DSCAM: variants seen among roughly 807,000 people sequenced by gnomAD.
DSCAM encodes DS cell adhesion molecule, also known as cell adhesion molecule DSCAM.
Under a neutral mutation model 217.7 loss-of-function variants are expected in DSCAM, and 47 were observed. The ratio of observed to expected loss-of-function variants is 0.22; its 90% CI spans 0.17 to 0.28. The LOEUF (loss-of-function observed/expected upper bound fraction) is 0.28. Ranked by LOEUF, DSCAM falls within the 10% of genes least tolerant of loss-of-function variation. DSCAM has a pLI of 1.00. For synonymous variants in DSCAM, 1,056 were observed against 1,015.3 expected (o/e 1.04, Z -0.76); for missense variants, 2,080 against 2,618.3 (o/e 0.79, Z 4.49).
At chr21:40,132,207 G>A (rs1033902634) in intron 19 of DSCAM, among the ~76,000 whole-genome samples, 1 of 152,182 alleles carries the variant, frequency 6.6e-6, no homozygotes, top group African/African-American at 2.4e-5. Flanking sequence ...TCTGTGGCAA[G>A]CAGGTGTTTT....
chr21:40,839,066 A>C (rs185229219), intron 1 of DSCAM, among the ~76,000 whole-genome samples: 25 of 152,342 alleles, frequency 1.6e-4, no homozygotes, highest in Admixed American at 1.6e-3. Flanking sequence ...GATATATGCC[A>C]GACACACACA....
chr21:40,751,613 A>T (rs2091229942), intron 1 of DSCAM, among the ~76,000 whole-genome samples: 1 of 152,194 alleles, frequency 6.6e-6, no homozygotes, highest in Admixed American at 6.5e-5. Flanking sequence ...AATATTACTT[A>T]AGGCTACAAA....
intron 3 of DSCAM, among the ~76,000 whole-genome samples, chr21:40,568,407 T>C (rs757340249): frequency 2.6e-5 from 4 of 152,182 alleles, no homozygotes; most frequent in Non-Finnish European, 4.4e-5. Context: ...AGCTACCCCA[T>C]TGCCTCCAAA....
At chr21:40,642,828 A>G (rs1021505567) in intron 3 of DSCAM, among the ~76,000 whole-genome samples, 5 of 152,076 alleles carry the variant, frequency 3.3e-5, no homozygotes, top group Non-Finnish European at 5.9e-5. Flanking sequence ...GAGTTCAAGC[A>G]ATTGGCTCAC....
At chr21:40,707,144 T>C (rs771229793) in intron 2 of DSCAM, among the ~76,000 whole-genome samples, 23 of 152,358 alleles carry the variant, frequency 1.5e-4, no homozygotes, top group South Asian at 6.2e-4. Flanking sequence ...CATAATGGAT[T>C]AATACGCACA....
intron 11 of DSCAM, among the ~76,000 whole-genome samples, chr21:40,224,881 C>CATGTTTTGT (rs1411166825): frequency 6.6e-6 from 1 of 152,128 alleles, no homozygotes; most frequent in Non-Finnish European, 1.5e-5. Flanking sequence ...ATAACAAGTC[C>CATGTTTTGT]ATGTTTTGTC....
chr21:40,579,676 T>C (rs540220188), intron 3 of DSCAM, among the ~76,000 whole-genome samples: 5 of 152,204 alleles, frequency 3.3e-5, no homozygotes, highest in Non-Finnish European at 5.9e-5. Context: ...AAAGTTAAGA[T>C]CGTCGCTAGA....
intron 11 of DSCAM, among the ~76,000 whole-genome samples, chr21:40,222,323 A>C (rs1299423146): frequency 6.6e-6 from 1 of 152,262 alleles, no homozygotes; most frequent in Non-Finnish European, 1.5e-5. Flanking sequence ...AAACCAATGC[A>C]TGGTGTTATA....
At chr21:40,309,233 T>C (rs1308878823) in intron 9 of DSCAM, among the ~76,000 whole-genome samples, 1 of 152,174 alleles carries the variant, frequency 6.6e-6, no homozygotes, top group African/African-American at 2.4e-5. Context: ...CCTTCTTTCT[T>C]TTCTGAAGCT....
chr21:40,164,595 C>G (rs1454782482), intron 16 of DSCAM, among the ~76,000 whole-genome samples: 1 of 152,076 alleles, frequency 6.6e-6, no homozygotes, highest in Non-Finnish European at 1.5e-5. Context: ...GTCAGGAGTT[C>G]AAGACCAGCC....
intron 3 of DSCAM, among the ~76,000 whole-genome samples, chr21:40,373,846 GCCTC>G (rs2074923476): frequency 6.6e-6 from 1 of 152,152 alleles, no homozygotes; most frequent in Non-Finnish European, 1.5e-5. Context: ...CAGCTGTGTG[GCCTC>G]AGTCTAGTCA....
At chr21:40,774,398 C>T (rs1323147969) in intron 1 of DSCAM, among the ~76,000 whole-genome samples, 1 of 152,230 alleles carries the variant, frequency 6.6e-6, no homozygotes, top group Non-Finnish European at 1.5e-5. Context: ...AGCATGGGCT[C>T]CAGACTGCCT....
At chr21:40,350,627 A>T (rs2074619218) in intron 5 of DSCAM, among the ~76,000 whole-genome samples, 1 of 152,164 alleles carries the variant, frequency 6.6e-6, no homozygotes, top group Non-Finnish European at 1.5e-5. Context: ...TTAGAGACAT[A>T]GCACATGTGG....
chr21:40,403,998 A>G (rs961452865), intron 3 of DSCAM, among the ~76,000 whole-genome samples: 3 of 152,208 alleles, frequency 2.0e-5, no homozygotes, highest in African/African-American at 7.2e-5. Flanking sequence ...CATTGTGCCA[A>G]GAAACTGACA....
intron 2 of DSCAM, among the ~76,000 whole-genome samples, chr21:40,704,920 T>C (rs1568993819): frequency 6.6e-6 from 1 of 152,108 alleles, no homozygotes; most frequent in Non-Finnish European, 1.5e-5. Context: ...AGAGGAGACA[T>C]CAAGGGATGA....
chr21:40,043,222 A>G (rs1018865915), intron 31 of DSCAM, among the ~76,000 whole-genome samples: 6 of 152,168 alleles, frequency 3.9e-5, no homozygotes, highest in Non-Finnish European at 7.3e-5. Context: ...TGGGGACTAG[A>G]AAACCATCAG....
chr21:40,497,023 C>A (rs112228651), intron 3 of DSCAM, among the ~76,000 whole-genome samples: 2 of 152,148 alleles, frequency 1.3e-5, no homozygotes, highest in African/African-American at 2.4e-5. Context: ...TCAAAGAGAA[C>A]CCTAGTACTC....
At chr21:40,789,486 G>A (rs1348082280) in intron 1 of DSCAM, among the ~76,000 whole-genome samples, 1 of 151,904 alleles carries the variant, frequency 6.6e-6, no homozygotes, top group East Asian at 1.9e-4. Flanking sequence ...CATAGCAGCT[G>A]CTTCATTATG....
At chr21:40,507,137 C>T (rs1037564036) in intron 3 of DSCAM, among the ~76,000 whole-genome samples, 2 of 152,082 alleles carry the variant, frequency 1.3e-5, no homozygotes, top group Non-Finnish European at 2.9e-5. Flanking sequence ...ATTAGCCAGG[C>T]ATGGTGGCAC....
Sources: gnomAD v4.1 joint callset for allele counts (sites outside exome capture counted in the v4.1 genomes callset) on GRCh38, gnomAD v4.1.1 for gene constraint, MANE v1.5 for transcripts, NCBI Gene and HGNC (gene_info 2026-07-23, HGNC 2026-07-21) for gene names.